The following HERC1 variants were observed in gnomAD, a reference collection of about 807,000 sequenced individuals.
The protein encoded by HERC1 is HECT and RLD domain containing E3 ubiquitin protein ligase family member 1.
HERC1 carries 160 observed loss-of-function variants against 554.3 expected under a neutral mutation model. The observed-to-expected ratio is 0.29, with a 90% CI of 0.25 to 0.33. The LOEUF (loss-of-function observed/expected upper bound fraction) is 0.33, where lower values mean the gene tolerates loss of function less well. Among genes scored for constraint, HERC1 ranks in the 10% least tolerant of loss-of-function variants. HERC1 has a pLI of 1.00. For missense variants in HERC1, 4,919 were observed against 5,918.5 expected (o/e 0.83, Z 5.54); for synonymous variants, 2,175 against 2,131.7 (o/e 1.02, Z -0.56).
rs190385958 is a variant in HERC1 at position 63,793,095 on chromosome 15, G to A, written c.-26-17446C>T. 2.3e-3 allele frequency among the ~76,000 whole-genome samples: 354 copies of A among 152,310 alleles called. 1 individual carries two copies. Among genetic ancestry groups the A allele is most frequent in the African/African-American group, 8.0e-3 (334 of 41,572 alleles). ...GGGGCAAGGGGCCCAGGGCTTTCAC[G>A]CCCTCTCTGGGGATGCCACCCTCCA... On this transcript the variant is annotated intron_variant, in intron 1 of 77. Transcript: ENST00000443617.
chr15:63,613,412 G>A (rs2067685464), intron 76 of HERC1, among the ~76,000 whole-genome samples: 1 of 152,054 alleles, frequency 6.6e-6, no homozygotes, highest in African/African-American at 2.4e-5. Context: ...ATACAGTAGT[G>A]CATACCCTAC....
chr15:63,755,586 C>T (rs1466127442), intron 5 of HERC1, among the ~76,000 whole-genome samples: 1 of 152,112 alleles, frequency 6.6e-6, no homozygotes, highest in Non-Finnish European at 1.5e-5. Flanking sequence ...CGAGTTCAGC[C>T]TGGGCAACAT....
intron 19 of HERC1, among the ~76,000 whole-genome samples, chr15:63,720,114 T>TTTTTTTTTTTTTTTTTTTTTA (rs2073752671): frequency 8.6e-5 from 1 of 11,680 alleles, no homozygotes; most frequent in Non-Finnish European, 2.3e-4. Flanking sequence ...TTTTTTTTTT[T>TTTTTTTTTTTTTTTTTTTTTA]TTTTAAGAGA....
intron 74 of HERC1, among the ~76,000 whole-genome samples, chr15:63,621,722 C>T (rs1454467294): frequency 6.6e-6 from 1 of 151,758 alleles, no homozygotes; most frequent in Non-Finnish European, 1.5e-5. Flanking sequence ...CTTCTCTTCT[C>T]GCTTCATTTC....
intron 22 of HERC1, 40 bp from the exon 23 acceptor site, chr15:63,713,705 G>A (rs985642464): frequency 4.6e-6 from 7 of 1,515,708 alleles, no homozygotes; most frequent in Admixed American, 4.0e-5. Flanking sequence ...TAACACATGG[G>A]GAGAGAAGAG....
intron 14 of HERC1, among the ~76,000 whole-genome samples, chr15:63,732,348 A>G (rs2074333237): frequency 6.6e-6 from 1 of 152,168 alleles, no homozygotes; most frequent in African/African-American, 2.4e-5. Flanking sequence ...TTTAATATAA[A>G]GAAGTTATTT....
At position 63,609,030 on chromosome 15, in the gene HERC1, A is replaced by G; in HGVS notation, c.*51T>C. 4 of 1,517,484 alleles carry G rather than the reference A, an allele frequency of 2.6e-6. No homozygotes were observed. Among genetic ancestry groups the G allele is most frequent in the Non-Finnish European group, 3.6e-6 (4 of 1,109,360 alleles). The allele number at this position is 1,517,484 out of a possible 1,614,324, so 94.0% of individuals were successfully genotyped here. On this transcript the variant is annotated 3_prime_UTR_variant, in exon 78 of 78. Transcript: ENST00000443617. ...CATAAAAGTATATCAACATCAAATC[A>G]GAAGTGAGCATTATTGAGGGAGAGA...
chr15:63,609,107 C>T lies in HERC1; in HGVS notation c.14560G>A (p.Ala4854Thr), dbSNP rs1391991835. The stretch of plus-strand genomic sequence containing the variant: ...CAGTAGTCAGTGTCGGAGCCCTCGG[C>T]GTTGTCCACGTTTCTCGAGAGCATG... ...NYMLSRNVDN[A>T]EGSDTDY The change falls in exon 78 of 78, where the codon GCC (alanine) becomes ACC (threonine). Residue 4854 changes from alanine to threonine, a missense_variant. This residue lies in a region of HERC1 where 71 missense variants were observed against 101.4 expected (regional missense o/e 0.70). Coordinates refer to ENST00000443617, the MANE Select transcript of HERC1 (RefSeq NM_003922.4). 7 of 1,613,604 alleles carry T rather than the reference C, an allele frequency of 4.3e-6. No individual in the cohort carries two copies. Among genetic ancestry groups the T allele is most frequent in the Middle Eastern group, 1.6e-4 (1 of 6,082 alleles).
At chr15:63,821,236 A>T (rs1189083569) in intron 1 of HERC1, among the ~76,000 whole-genome samples, 2 of 152,044 alleles carry the variant, frequency 1.3e-5, no homozygotes, top group East Asian at 3.9e-4. Flanking sequence ...AGCCTAGGCA[A>T]CAGAGTGAGA....
rs533389535 is a variant in HERC1, at chr15:63,752,567, C to G, written c.1902+391G>C. The G allele has an allele frequency of 3.5e-4, 55 of 156,482 alleles. 2 individuals are homozygous for G. In the South Asian group the frequency reaches 0.011, roughly 30 times the overall value. 9.7% of individuals were successfully genotyped at this position (156,482 alleles called of 1,614,324 possible). On this transcript the variant is annotated intron_variant, in intron 8 of 77. Transcript: ENST00000443617. ...TAACTCTCTCAGAATATTTTCCATACCTAAGTGTTCTCTTTACCCTCCTTT... is the reference window on the plus strand; with the variant it reads ...TAACTCTCTCAGAATATTTTCCATAGCTAAGTGTTCTCTTTACCCTCCTTT...
At chr15:63,833,753 G>GCACGCA (rs2078252497) in intron 1 of HERC1, 74 bp downstream of exon 1, 1 of 46,456 alleles carries the variant, frequency 2.2e-5, no homozygotes, top group Non-Finnish European at 7.0e-5. Flanking sequence ...ACGCGCGCGC[G>GCACGCA]CACACACACA....
chr15:63,695,385 T>A (rs1338279243), intron 27 of HERC1, among the ~76,000 whole-genome samples: 1,711 of 15,790 alleles, frequency 0.11, 30 homozygotes, highest in African/African-American at 0.23. Context: ...TGTATAATCT[T>A]TTTTTTTTTT....
chr15:63,619,737 C>T (rs1170604675), intron 74 of HERC1, among the ~76,000 whole-genome samples: 10 of 152,068 alleles, frequency 6.6e-5, no homozygotes, highest in East Asian at 1.9e-4. Flanking sequence ...GTGTATGTGT[C>T]GAGGAATTTA....
In HERC1 at chr15:63,733,120, G is replaced by C; in HGVS notation, c.2672C>G (p.Thr891Arg). 6.2e-7 allele frequency: 1 copy of C among 1,613,150 alleles called. No individual in the cohort carries two copies. Among genetic ancestry groups the C allele is most frequent in the Non-Finnish European group, 8.5e-7 (1 of 1,179,158 alleles). The change falls in exon 14 of 78, where the codon ACA (threonine) becomes AGA (arginine). Residue 891 changes from threonine (T) to arginine (R), a missense_variant. Thr to Arg is a moderately conservative substitution (Grantham distance 71). Around this residue, in one of 11 missense-constraint regions of HERC1, gnomAD observed 744 missense variants for 1,090.0 expected, o/e 0.68. Transcript: ENST00000443617. ...GQRMQLDIIL[T>R]SLQDHTHVAS... is the part of the protein sequence containing the mutation. ...TACGTGGGTATGATCTTGCAAACTT[G>C]TCAGGATGATATCCAGTTGCATTCT...
chr15:63,650,636 A>C (rs893630581), intron 53 of HERC1, among the ~76,000 whole-genome samples: 1 of 152,158 alleles, frequency 6.6e-6, no homozygotes, highest in African/African-American at 2.4e-5. Flanking sequence ...GAGTGTAAAG[A>C]AAAACACTGA....
rs1464347619 is a variant in HERC1 at position 63,727,194 on chromosome 15, T to C, written c.3346+453A>G. ...AGGAGGTTGAGCCAGGAGAATCACT[T>C]GAACCCGGGAGGCAGAGGTTGCAAT... On this transcript the variant is annotated intron_variant, in intron 17 of 77. Coordinates refer to ENST00000443617, the MANE Select transcript of HERC1 (RefSeq NM_003922.4). The surrounding 1 kb of genome is among the most constrained non-coding windows in gnomAD (Gnocchi z 4.3). Among the ~76,000 whole-genome samples the C allele has an allele frequency of 1.3e-5, 2 of 152,146 alleles. No homozygotes were observed. The highest frequency in any genetic ancestry group is 2.9e-5 in the Non-Finnish European group (2 of 68,022).
At chr15:63,688,837 C>A (rs1465948703) in intron 33 of HERC1, among the ~76,000 whole-genome samples, 1 of 151,884 alleles carries the variant, frequency 6.6e-6, no homozygotes, top group East Asian at 1.9e-4. Context: ...GTTTGGGAAA[C>A]TAGGTGAATG....
chr15:63,669,543 CG>C lies in HERC1; in HGVS notation c.8200del (p.Arg2734AlafsTer59). 6.2e-7 allele frequency: 1 copy of C among 1,613,640 alleles called. No homozygotes were observed. The highest frequency in any genetic ancestry group is 8.5e-7 in the Non-Finnish European group (1 of 1,179,604). ...PDSQSARPAN[R>X]TALSDPSSRL... Reference sequence around the variant, plus strand: ...GTGCATATCAGCACACGCACCTGTGCGGTTAGCTGGCCTTGCTGACTGGGAA... The same window carrying C: ...GTGCATATCAGCACACGCACCTGTGCGTTAGCTGGCCTTGCTGACTGGGAA... On this transcript the variant is annotated frameshift_variant, in exon 40 of 78. Coordinates refer to ENST00000443617, the MANE Select transcript of HERC1 (RefSeq NM_003922.4). LOFTEE classifies it high-confidence loss of function.
At position 63,713,793 on chromosome 15, in the gene HERC1, C is replaced by T. The variant is rs2073416791; in HGVS notation, c.4151-128G>A. On this transcript the variant is annotated intron_variant, in intron 22 of 77. Coordinates refer to ENST00000443617, the MANE Select transcript of HERC1 (RefSeq NM_003922.4). ...AAAGAGGGAAAAATTATTTTTTAGA[C>T]ATTATATACAACATAGTTAACTTAG... The T allele has an allele frequency of 5.8e-6, 4 of 694,832 alleles. No individual in the cohort carries two copies. In the South Asian group the frequency reaches 8.0e-5, roughly 14 times the overall value. The allele number at this position is 694,832 out of a possible 1,614,324, so 43.0% of individuals were successfully genotyped here.
Sources: allele counts gnomAD v4.1 joint callset (sites outside exome capture counted in the v4.1 genomes callset), GRCh38; gene constraint gnomAD v4.1.1; regional missense constraint gnomAD v4.1.1; non-coding constraint Gnocchi (gnomAD v3.1); transcripts MANE v1.5; gene names NCBI Gene and HGNC (gene_info 2026-07-23, HGNC 2026-07-21).